Variants in CDON observed in about 807,000 individuals in gnomAD.
CDON encodes cell adhesion associated, oncogene regulated.
A neutral mutation model predicts 120.9 loss-of-function variants in CDON; 73 were observed. The ratio of observed to expected loss-of-function variants is 0.60; its 90% CI spans 0.50 to 0.73. The LOEUF (loss-of-function observed/expected upper bound fraction) is 0.73, where lower values mean the gene tolerates loss of function less well. Among genes scored for constraint, CDON ranks in the 30% least tolerant of loss-of-function variants. CDON has a pLI of 0.00. For missense variants in CDON, 1,470 were observed against 1,587.3 expected (o/e 0.93, Z 1.26); for synonymous variants, 566 against 573.5 (o/e 0.99, Z 0.19).
rs1946576514 is a variant in CDON at position 125,989,757 on chromosome 11, A to G, written c.2653T>C (p.Ser885Pro). 1 of 1,612,606 alleles carries G rather than the reference A, an allele frequency of 6.2e-7. No individual in the cohort carries two copies. Among genetic ancestry groups the G allele is most frequent in the Non-Finnish European group, 8.5e-7 (1 of 1,179,024 alleles). ...SDYKRDVVEG[S>P]KQWHMIGHLQ... ...TGGCCAATCATGTGCCACTGCTTTG[A>G]ACCTAAAAGGAAAAATAAAAGGCTT... The change falls in exon 15 of 20, where the codon TCA becomes CCA. Residue 885 changes from serine to proline, a missense_variant and splice_region_variant. Ser to Pro is a moderately conservative substitution (Grantham distance 74). Transcript: ENST00000531738.
At chr11:126,056,369 G>A (rs1479882975) in intron 1 of CDON, among the ~76,000 whole-genome samples, 1 of 152,208 alleles carries the variant, frequency 6.6e-6, no homozygotes, top group Non-Finnish European at 1.5e-5. Context: ...AGGAAGAAAA[G>A]GGGACAATTT....
intron 1 of CDON, among the ~76,000 whole-genome samples, chr11:126,049,808 T>G (rs1455935112): frequency 6.6e-6 from 1 of 152,214 alleles, no homozygotes. Flanking sequence ...AGGGGCACCA[T>G]GGAACAACAG....
At chr11:126,042,498 T>C (rs992262938) in intron 1 of CDON, among the ~76,000 whole-genome samples, 1 of 152,008 alleles carries the variant, frequency 6.6e-6, no homozygotes, top group Non-Finnish European at 1.5e-5. Flanking sequence ...GAAACATATA[T>C]TTTTTTTATG....
At position 125,994,955 on chromosome 11, in the gene CDON, A is replaced by T; in HGVS notation, c.2460T>A (p.Asn820Lys). Residue 820 changes from asparagine (N) to lysine (K), a missense_variant, in exon 13 of 20, where the codon AAT becomes AAA. By Grantham distance (94) the Asn-to-Lys change is moderately conservative (BLOSUM62 0). Coordinates refer to ENST00000531738, the MANE Select transcript of CDON (RefSeq NM_001378964.1). ...CAGTTATTGGACGGCTGGAAAAGCG[A>T]TTGGGGAACCCAACCACTTGATAAG... The part of the protein sequence containing the change: ...SRPYQVVGFP[N>K]RFSSRPITGP... 6.2e-7 allele frequency: 1 copy of T among 1,613,994 alleles called. No homozygotes were observed. Among genetic ancestry groups the T allele is most frequent in the Non-Finnish European group, 8.5e-7 (1 of 1,179,836 alleles).
chr11:125,975,520 C>G (rs1486905611), intron 18 of CDON, among the ~76,000 whole-genome samples: 1 of 152,194 alleles, frequency 6.6e-6, no homozygotes, highest in Non-Finnish European at 1.5e-5. Flanking sequence ...GTCCAGTTGT[C>G]CAATTTCAAT....
At position 125,958,442 on chromosome 11, in the gene CDON, T is replaced by A. The variant is rs1945543229; in HGVS notation, c.*2500A>T. ...GTCTCCCACACTGTACCATGTCCTC[T>A]CATTTCCTGGTGAAGTGACATTAGG... On this transcript the variant is annotated 3_prime_UTR_variant, in exon 20 of 20. Transcript: ENST00000531738. 1 of 152,054 alleles carries A rather than the reference T, an allele frequency of 6.6e-6. No individual in the cohort carries two copies. The highest frequency in any genetic ancestry group is 1.9e-4 in the East Asian group (1 of 5,188). The allele number at this position is 152,054 out of a possible 1,614,324, so 9.4% of individuals were successfully genotyped here.
chr11:125,976,382 C>T (rs922949646), intron 18 of CDON, among the ~76,000 whole-genome samples: 7 of 152,060 alleles, frequency 4.6e-5, no homozygotes, highest in African/African-American at 1.7e-4. Flanking sequence ...CAGGCAGATT[C>T]TCATGAGGAA....
At position 126,034,723 on chromosome 11, in the gene CDON, G is replaced by A. The variant is rs1172931296; in HGVS notation, c.-61-11186C>T. ...ATGGTGAAATTCTAAAAAGCAGCGT[G>A]AGAGAGATTATTAAAAAGACAAAAT... On this transcript the variant is annotated intron_variant, in intron 1 of 19. Coordinates refer to ENST00000531738, the MANE Select transcript of CDON (RefSeq NM_001378964.1). The surrounding 1 kb of genome is among the most constrained non-coding windows in gnomAD (Gnocchi z 4.5). Among the ~76,000 whole-genome samples the A allele has an allele frequency of 1.3e-5, 2 of 152,160 alleles. No individual in the cohort carries two copies. Among genetic ancestry groups the A allele is most frequent in the Non-Finnish European group, 2.9e-5 (2 of 68,032 alleles).
intron 2 of CDON, among the ~76,000 whole-genome samples, chr11:126,021,815 A>G (rs1049042697): frequency 2.0e-5 from 3 of 152,298 alleles, no homozygotes; most frequent in Middle Eastern, 3.4e-3. Flanking sequence ...AAGAAATAGC[A>G]AAGTGCAGCT....
chr11:126,036,099 C>A (rs1948089647), intron 1 of CDON, among the ~76,000 whole-genome samples: 1 of 152,174 alleles, frequency 6.6e-6, no homozygotes, highest in South Asian at 2.1e-4. Flanking sequence ...AAAAACACAG[C>A]CGCAGATAGA....
At chr11:126,051,266 A>G (rs1392069247) in intron 1 of CDON, among the ~76,000 whole-genome samples, 4 of 152,198 alleles carry the variant, frequency 2.6e-5, no homozygotes, top group African/African-American at 9.7e-5. Context: ...CTACTTTATA[A>G]GGGTAATCAC....
chr11:125,981,427 C>T (rs370851504), intron 16 of CDON, 98 bp from the exon 17 acceptor site: 50 of 998,022 alleles, frequency 5.0e-5, no homozygotes, highest in East Asian at 3.1e-4. Context: ...CATACGCACA[C>T]ACGCACACAC....
chr11:126,054,492 A>C (rs1390633180), intron 1 of CDON, among the ~76,000 whole-genome samples: 2 of 152,206 alleles, frequency 1.3e-5, no homozygotes, highest in Non-Finnish European at 2.9e-5. Flanking sequence ...CATTACTTGA[A>C]GCTGTGGTAT....
At chr11:126,033,536 A>T (rs1288204457) in intron 1 of CDON, among the ~76,000 whole-genome samples, 1 of 152,160 alleles carries the variant, frequency 6.6e-6, no homozygotes, top group East Asian at 1.9e-4. Flanking sequence ...AAAAGACAGA[A>T]ATGATATTCC....
chr11:126,036,278 AATTT>A (rs1245226570), intron 1 of CDON, among the ~76,000 whole-genome samples: 1 of 152,250 alleles, frequency 6.6e-6, no homozygotes, highest in Non-Finnish European at 1.5e-5. Flanking sequence ...ATTATGACCC[AATTT>A]ATTCATTAAT....
In CDON at chr11:125,994,296, C is replaced by T. The variant is rs777551303; in HGVS notation, c.2638G>A (p.Asp880Asn). The T allele has an allele frequency of 1.3e-5, 20 of 1,580,306 alleles. No homozygotes were observed. In the South Asian group the frequency reaches 2.2e-4, roughly 17 times the overall value. The change falls in exon 14 of 20, where the codon GAT (aspartate) becomes AAT (asparagine). Residue 880 changes from aspartate to asparagine, a missense_variant. Asp to Asn is a conservative substitution (Grantham distance 23, BLOSUM62 1). Transcript: ENST00000531738. ...DSDNDSDYKR[D>N]VVEGSKQWHM... Reference sequence around the variant, plus strand: ...CCAGGGGACTTACCTTCTACAACATCCCTCTTGTAATCACTGTCATTGTCA... The same window carrying T: ...CCAGGGGACTTACCTTCTACAACATTCCTCTTGTAATCACTGTCATTGTCA...
chr11:126,013,248 G>A (rs889578408), intron 7 of CDON, among the ~76,000 whole-genome samples: 6 of 152,040 alleles, frequency 3.9e-5, no homozygotes, highest in Admixed American at 3.3e-4. Flanking sequence ...ATATTATTTA[G>A]GATATTTACA....
intron 1 of CDON, among the ~76,000 whole-genome samples, chr11:126,040,791 G>T (rs1485022161): frequency 8.0e-6 from 1 of 125,424 alleles, no homozygotes; most frequent in African/African-American, 3.1e-5. Context: ...CTCCAGCTCG[G>T]GCAACAGAGA....
intron 19 of CDON, 100 bp from the exon 20 acceptor site, chr11:125,961,205 AAAACGAGCATAAAT>A: frequency 1.9e-6 from 2 of 1,077,108 alleles, no homozygotes; most frequent in Non-Finnish European, 2.8e-6. Flanking sequence ...AGAAGAAAGA[AAAACGAGCATAAAT>A]AGAACCTGGT....
Sources: allele counts gnomAD v4.1 joint callset (sites outside exome capture counted in the v4.1 genomes callset), GRCh38; gene constraint gnomAD v4.1.1; non-coding constraint Gnocchi (gnomAD v3.1); transcripts MANE v1.5; gene names NCBI Gene and HGNC (gene_info 2026-07-23, HGNC 2026-07-21).